The following ZNF248 variants were observed in gnomAD, a reference collection of about 807,000 sequenced individuals.
ZNF248 encodes zinc finger protein 248, also known as KRAB protein domain.
In ZNF248, 20 loss-of-function variants were observed where a neutral mutation model predicts 44.3. The observed-to-expected ratio is 0.45, with a 90% CI of 0.32 to 0.66. The LOEUF (loss-of-function observed/expected upper bound fraction) is 0.66, where lower values mean the gene tolerates loss of function less well. ZNF248 is among the 30% of genes least tolerant of loss of function. The pLI is 0.04. For synonymous variants in ZNF248, 224 were observed against 229.0 expected, an observed-to-expected ratio of 0.98 and a Z score of 0.20; for missense variants, 654 against 677.0, an observed-to-expected ratio of 0.97 and a Z score of 0.38.
chr10:37,856,238 T>C, intron 3 of ZNF248, 58 bp downstream of exon 3: 1 of 1,588,488 alleles, frequency 6.3e-7, no homozygotes, highest in East Asian at 2.2e-5. Flanking sequence ...CATAAACCCT[T>C]ATAAACTTCA....
At chr10:37,804,393 T>C (rs2050247438) in intron 6 of ZNF248, among the ~76,000 whole-genome samples, 1 of 152,010 alleles carries the variant, frequency 6.6e-6, no homozygotes, top group Non-Finnish European at 1.5e-5. Flanking sequence ...ATTAAAATGA[T>C]TATTTGAATT....
chr10:37,851,714 A>C (rs910978098), intron 3 of ZNF248, among the ~76,000 whole-genome samples: 1 of 130,332 alleles, frequency 7.7e-6, no homozygotes, highest in African/African-American at 2.9e-5. Context: ...ACATGAAAAG[A>C]TTTTCATGCA....
chr10:37,843,969 G>A (rs1275218805), intron 3 of ZNF248, among the ~76,000 whole-genome samples: 1 of 151,782 alleles, frequency 6.6e-6, no homozygotes, highest in Non-Finnish European at 1.5e-5. Flanking sequence ...AGTCCCAGAA[G>A]GAAAAAAGAG....
chr10:37,840,036 ATCC>A (rs2058056856), intron 3 of ZNF248, among the ~76,000 whole-genome samples: 1 of 152,190 alleles, frequency 6.6e-6, no homozygotes, highest in Non-Finnish European at 1.5e-5. Flanking sequence ...CGGCTGAAAA[ATCC>A]TCCAAATACC....
intron 6 of ZNF248, among the ~76,000 whole-genome samples, chr10:37,822,402 T>C (rs1302162065): frequency 2.0e-5 from 3 of 151,732 alleles, no homozygotes; most frequent in Non-Finnish European, 4.4e-5. Flanking sequence ...ACTATATATA[T>C]ATTAAACAAA....
intron 6 of ZNF248, among the ~76,000 whole-genome samples, chr10:37,822,207 G>A (rs1047346845): frequency 6.6e-6 from 1 of 152,166 alleles, no homozygotes; most frequent in Non-Finnish European, 1.5e-5. Flanking sequence ...CAGTCACAAA[G>A]GACATGGTCT....
chr10:37,813,176 A>T (rs1369987799), intron 6 of ZNF248, among the ~76,000 whole-genome samples: 3 of 152,208 alleles, frequency 2.0e-5, no homozygotes, highest in Non-Finnish European at 4.4e-5. Flanking sequence ...CATGAGGCGT[A>T]AGACGTAGAA....
downstream of ZNF248, among the ~76,000 whole-genome samples, chr10:37,826,118 G>A (rs545926097): frequency 6.6e-6 from 1 of 152,260 alleles, no homozygotes; most frequent in African/African-American, 2.4e-5. Flanking sequence ...AACTAACATG[G>A]AAAACTGGTA....
chr10:37,764,674 G>A, the ZNF248 span, among the ~76,000 whole-genome samples: 78 of 152,114 alleles, frequency 5.1e-4, no homozygotes, highest in African/African-American at 1.7e-3. Context: ...GGCCGACACC[G>A]GGAAAATAGA....
the ZNF248 span, among the ~76,000 whole-genome samples, chr10:37,763,044 G>A: frequency 2.0e-5 from 3 of 152,148 alleles, no homozygotes; most frequent in Non-Finnish European, 2.9e-5. Context: ...GCCAGGAAAC[G>A]GTAGAGGAAA....
chr10:37,797,548 T>C (rs1486085265), intron 6 of ZNF248, among the ~76,000 whole-genome samples: 1 of 152,122 alleles, frequency 6.6e-6, no homozygotes, highest in East Asian at 1.9e-4. Context: ...ATTTGTAAAT[T>C]ACATATCTGA....
At chr10:37,766,308 T>C in the ZNF248 span, among the ~76,000 whole-genome samples, 2 of 152,102 alleles carry the variant, frequency 1.3e-5, no homozygotes, top group African/African-American at 2.4e-5. Flanking sequence ...GCAGACTGCC[T>C]CCTCAAGTGG....
intron 6 of ZNF248, among the ~76,000 whole-genome samples, chr10:37,799,426 G>A (rs1235776265): frequency 2.0e-5 from 3 of 152,130 alleles, no homozygotes; most frequent in Non-Finnish European, 4.4e-5. Flanking sequence ...GAGCGTGATT[G>A]CGCACGCCTG....
chr10:37,765,792 G>C, the ZNF248 span, among the ~76,000 whole-genome samples: 9 of 152,380 alleles, frequency 5.9e-5, no homozygotes, highest in East Asian at 1.7e-3. Flanking sequence ...CCATGCGTGA[G>C]CTGAAGCAGG....
intron 6 of ZNF248, among the ~76,000 whole-genome samples, chr10:37,787,606 T>A (rs756034254): frequency 5.9e-5 from 9 of 151,514 alleles, no homozygotes; most frequent in Non-Finnish European, 1.3e-4. Context: ...ACAAATTGTA[T>A]GTCCACAAAT....
rs764813658 is a variant in ZNF248, at chr10:37,831,731, G to A, written c.1624C>T (p.His542Tyr). Residue 542 changes from histidine to tyrosine, a missense_variant, in exon 6 of 6, where the codon CAC becomes TAC. Coordinates refer to ENST00000395867, the MANE Select transcript of ZNF248 (RefSeq NM_021045.3). Reference sequence around the variant, plus strand: ...CACTCATACGGCTTCTCCCCTGTGTGAGTCCTCTGATGTTTAGTGAGAGCT... The same window carrying A: ...CACTCATACGGCTTCTCCCCTGTGTAAGTCCTCTGATGTTTAGTGAGAGCT... ...KSALTKHQRT[H>Y]TGEKPYECNA... The A allele has an allele frequency of 1.9e-5, 31 of 1,613,170 alleles. 1 individual carries two copies. The highest frequency in any genetic ancestry group is 3.4e-6 in the Non-Finnish European group (4 of 1,179,326).
At chr10:37,803,235 C>T (rs1055622955) in intron 6 of ZNF248, 1 of 152,244 alleles carries the variant, frequency 6.6e-6, no homozygotes. Context: ...ATTTTTGTAA[C>T]ATCAGAATAG....
intron 3 of ZNF248, among the ~76,000 whole-genome samples, chr10:37,850,433 A>G (rs2034590597): frequency 6.6e-6 from 1 of 152,250 alleles, no homozygotes; most frequent in South Asian, 2.1e-4. Context: ...TTTTATAAGC[A>G]CAGACAAGCT....
intron 6 of ZNF248, among the ~76,000 whole-genome samples, chr10:37,786,783 C>T (rs2047920284): frequency 6.6e-6 from 1 of 152,016 alleles, no homozygotes; most frequent in Non-Finnish European, 1.5e-5. Context: ...TTTTTATTTA[C>T]ATGAACTGAA....
Sources: allele counts gnomAD v4.1 joint callset (sites outside exome capture counted in the v4.1 genomes callset), GRCh38; gene constraint gnomAD v4.1.1; transcripts MANE v1.5; gene names NCBI Gene and HGNC (gene_info 2026-07-23, HGNC 2026-07-21).